Variants in CEP68 observed in about 807,000 individuals in gnomAD.
CEP68 encodes the protein centrosomal protein 68, also known as centrosomal protein of 68 kDa.
In CEP68, 26 loss-of-function variants were observed where a neutral mutation model predicts 55.3. The ratio of observed to expected loss-of-function variants is 0.47; its 90% CI spans 0.34 to 0.65. CEP68 has a LOEUF of 0.65. CEP68 is among the 30% of genes least tolerant of loss of function. The pLI is 0.01. For missense variants in CEP68, 957 were observed against 946.7 expected, an observed-to-expected ratio of 1.01 and a Z score of -0.14; for synonymous variants, 402 against 383.2, an observed-to-expected ratio of 1.05 and a Z score of -0.57.
At chr2:65,069,006 C>G (rs1043550529) in intron 1 of CEP68, among the ~76,000 whole-genome samples, 4 of 152,110 alleles carry the variant, frequency 2.6e-5, no homozygotes, top group African/African-American at 7.2e-5. Flanking sequence ...GGGACCGTTA[C>G]GACAACAGAA....
At position 65,074,327 on chromosome 2, in the gene CEP68, G is replaced by A. The variant is rs1472517507; in HGVS notation, c.1930G>A (p.Val644Ile). ...LEELICWLYN[V>I]ADVTDHGTAA... ...AGAGCTGATCTGCTGGCTGTATAAT[G>A]TTGCAGATGTTACTGACCACGGGAC... The change falls in exon 4 of 7, where the codon GTT becomes ATT. Residue 644 changes from valine (V) to isoleucine (I), a missense_variant. Coordinates refer to ENST00000377990, the MANE Select transcript of CEP68 (RefSeq NM_015147.3). 1 of 1,614,202 alleles carries A rather than the reference G, an allele frequency of 6.2e-7. No homozygotes were observed. Among genetic ancestry groups the A allele is most frequent in the Non-Finnish European group, 8.5e-7 (1 of 1,180,024 alleles).
At chr2:65,066,554 C>A (rs1373413000) in intron 1 of CEP68, among the ~76,000 whole-genome samples, 1 of 151,016 alleles carries the variant, frequency 6.6e-6, no homozygotes, top group Non-Finnish European at 1.5e-5. Flanking sequence ...ATGGTGAAAC[C>A]CCATCTCTAC....
Position 65,072,484 on chromosome 2 carries a change from C to G in CEP68, c.1388C>G (p.Pro463Arg). The G allele has an allele frequency of 6.2e-7, 1 of 1,614,108 alleles. No homozygotes were observed. Among genetic ancestry groups the G allele is most frequent in the Non-Finnish European group, 8.5e-7 (1 of 1,180,020 alleles). Residue 463 changes from proline to arginine, a missense_variant, in exon 3 of 7, where the codon CCT becomes CGT. Coordinates refer to ENST00000377990, the MANE Select transcript of CEP68 (RefSeq NM_015147.3). ...AGGACCAGCCAGAGTGCCCGGCGCC[C>G]TACCTGCACAGAGTCTAGGTGGAAA... ...EKRTSQSARR[P>R]TCTESRWKSE...
Position 65,071,607 on chromosome 2 carries a change from C to G in CEP68, c.511C>G (p.His171Asp). Residue 171 changes from histidine (H) to aspartate (D), a missense_variant, in exon 3 of 7, where the codon CAC becomes GAC. His to Asp is a moderately conservative substitution (Grantham distance 81). Transcript: ENST00000377990. ...PQALDLSQQP[H>D]SSGLSCLSQW... is the part of the protein sequence containing the mutation. ...GGCACTGGACCTCAGCCAGCAGCCTCACAGCTCAGGTCTCTCTTGCCTGTC... is the reference window on the plus strand; with the variant it reads ...GGCACTGGACCTCAGCCAGCAGCCTGACAGCTCAGGTCTCTCTTGCCTGTC... 1.9e-6 allele frequency: 3 copies of G among 1,614,198 alleles called. No individual in the cohort carries two copies. The highest frequency in any genetic ancestry group is 2.5e-6 in the Non-Finnish European group (3 of 1,180,034).
rs143765018 is a variant in CEP68, at chr2:65,072,589, A to G, written c.1493A>G (p.Tyr498Cys). ...ACACAGGTTTCTAGCCTGGTTTCGT[A>G]TCTAGGATCCATTTCTACCTTGGTT... ...RLTQVSSLVSYLGSISTLVTL... is the reference protein window; with the variant it reads ...RLTQVSSLVSCLGSISTLVTL... The change falls in exon 3 of 7, where the codon TAT (tyrosine) becomes TGT (cysteine). Residue 498 changes from tyrosine (Y) to cysteine (C), a missense_variant. Physicochemically the swap from Tyr to Cys is radical, Grantham distance 194. Coordinates refer to ENST00000377990, the MANE Select transcript of CEP68 (RefSeq NM_015147.3). 9.9e-6 allele frequency: 16 copies of G among 1,614,034 alleles called. No individual in the cohort carries two copies. In the East Asian group the frequency reaches 1.1e-4, roughly 11 times the overall value.
At position 65,069,571 on chromosome 2, in the gene CEP68, C is replaced by G; in HGVS notation, c.127C>G (p.Pro43Ala). 1 of 1,613,314 alleles carries G rather than the reference C, an allele frequency of 6.2e-7. No individual in the cohort carries two copies. Residue 43 changes from proline to alanine, a missense_variant, in exon 2 of 7, where the codon CCA becomes GCA. Coordinates refer to ENST00000377990, the MANE Select transcript of CEP68 (RefSeq NM_015147.3). ...AGGGCCCATGAGTGGGGAGCAGCCC[C>G]CACGCCTGGAAGCTGAGGGAGGGCT... ...IPGPMSGEQP[P>A]RLEAEGGLIS...
At chr2:65,079,044 C>G (rs1676891792) in intron 5 of CEP68, among the ~76,000 whole-genome samples, 1 of 152,176 alleles carries the variant, frequency 6.6e-6, no homozygotes, top group Non-Finnish European at 1.5e-5. Flanking sequence ...ATGGCAGCCC[C>G]TAATTTCCTG....
chr2:65,082,990 C>G (rs1489906912), intron 6 of CEP68, among the ~76,000 whole-genome samples: 1 of 152,086 alleles, frequency 6.6e-6, no homozygotes, highest in East Asian at 1.9e-4. Flanking sequence ...CCTGCCATCC[C>G]AAGACAAGAG....
chr2:65,084,666 G>A lies in CEP68; in HGVS notation c.*1032G>A, dbSNP rs1668976932. On this transcript the variant is annotated 3_prime_UTR_variant, in exon 7 of 7. Transcript: ENST00000377990. ...TGTTGGGCCATGAATGAACCTGGAA[G>A]GAGGAAAGCACAGTAACAATGGAAA... 6.6e-6 allele frequency: 1 copy of A among 152,166 alleles called. No individual in the cohort carries two copies. The highest frequency in any genetic ancestry group is 2.4e-5 in the African/African-American group (1 of 41,432). The allele number at this position is 152,166 out of a possible 1,614,324, so 9.4% of individuals were successfully genotyped here.
In CEP68 at chr2:65,072,289, C is replaced by G. The variant is rs575445736; in HGVS notation, c.1193C>G (p.Ala398Gly). The G allele has an allele frequency of 6.8e-6, 11 of 1,614,040 alleles. No individual in the cohort carries two copies. The East Asian group carries it at 8.9e-5, about 13-fold the overall frequency. Residue 398 changes from alanine to glycine, a missense_variant, in exon 3 of 7, where the codon GCA (alanine) becomes GGA (glycine). Physicochemically the swap from Ala to Gly is moderately conservative, Grantham distance 60. Coordinates refer to ENST00000377990, the MANE Select transcript of CEP68 (RefSeq NM_015147.3). ...GGCTTGGCATCTTGGAGCCAACTTG[C>G]ATCTACCCCCAGAGCCCCAGGCAGT... is the stretch of plus-strand genomic sequence containing the variant. ...GMGLASWSQL[A>G]STPRAPGSRD...
intron 1 of CEP68, among the ~76,000 whole-genome samples, chr2:65,061,269 C>G (rs1407678945): frequency 6.6e-6 from 1 of 152,236 alleles, no homozygotes; most frequent in African/African-American, 2.4e-5. Flanking sequence ...CCTGGTCAGT[C>G]AGCCAACAGA....
At chr2:65,078,557 A>G (rs1212248483) in intron 5 of CEP68, among the ~76,000 whole-genome samples, 1 of 152,092 alleles carries the variant, frequency 6.6e-6, no homozygotes, top group South Asian at 2.1e-4. Context: ...TTTGCTTTTG[A>G]GATGGAGTTT....
intron 4 of CEP68, among the ~76,000 whole-genome samples, chr2:65,075,895 C>CT (rs1349908766): frequency 1.3e-5 from 2 of 152,068 alleles, no homozygotes; most frequent in Admixed American, 1.3e-4. Context: ...GAGGGCCTTC[C>CT]TGGGACCGTA....
chr2:65,067,187 G>A lies in CEP68; in HGVS notation c.-46-2212G>A, dbSNP rs527652811. Among the ~76,000 whole-genome samples the A allele has an allele frequency of 5.3e-5, 8 of 151,788 alleles. No individual in the cohort carries two copies. The East Asian group carries it at 1.6e-3, about 30-fold the overall frequency. ...GAGGTCAGGAGTTCAAGACCAGCCTGGCTAACATGGTGAAACCCCATCTCT... is the reference window on the plus strand; with the variant it reads ...GAGGTCAGGAGTTCAAGACCAGCCTAGCTAACATGGTGAAACCCCATCTCT... On this transcript the variant is annotated intron_variant, in intron 1 of 6. Coordinates refer to ENST00000377990, the MANE Select transcript of CEP68 (RefSeq NM_015147.3).
intron 5 of CEP68, among the ~76,000 whole-genome samples, 170 bp from the exon 6 acceptor site, chr2:65,082,366 C>CAGA (rs1047543954): frequency 1.2e-4 from 19 of 152,208 alleles, no homozygotes; most frequent in Admixed American, 3.9e-4. Flanking sequence ...TCCAGTGCAA[C>CAGA]AGAAGTCCCT....
At chr2:65,069,938 C>T (rs1467049116) in intron 2 of CEP68, 137 bp downstream of exon 2, 6 of 839,790 alleles carry the variant, frequency 7.1e-6, no homozygotes, top group Non-Finnish European at 1.1e-5. Context: ...ATGATGATTT[C>T]TGTTTTGCGG....
In CEP68 at chr2:65,084,870, T is replaced by C. The variant is rs1668983713; in HGVS notation, c.*1236T>C. On this transcript the variant is annotated 3_prime_UTR_variant, in exon 7 of 7. Transcript: ENST00000377990. The stretch of plus-strand genomic sequence containing the variant: ...TGCTTTATCATAATGCTTAAGGGCA[T>C]GATCAAAATTAAAATGGCTTATGAG... 6.6e-6 allele frequency: 1 copy of C among 152,242 alleles called. No individual in the cohort carries two copies. Among genetic ancestry groups the C allele is most frequent in the Non-Finnish European group, 1.5e-5 (1 of 68,034 alleles). The allele number at this position is 152,242 out of a possible 1,614,324, so 9.4% of individuals were successfully genotyped here. A position where few individuals can be genotyped will look rare whatever the true frequency, so the allele number is the denominator to read the frequency against.
At chr2:65,059,400 C>G (rs892517376) in intron 1 of CEP68, among the ~76,000 whole-genome samples, 4 of 152,184 alleles carry the variant, frequency 2.6e-5, no homozygotes, top group African/African-American at 9.7e-5. Context: ...ATACCTTTCC[C>G]CTCCTCACTT....
At chr2:65,065,750 T>C (rs1287924845) in intron 1 of CEP68, among the ~76,000 whole-genome samples, 1 of 151,822 alleles carries the variant, frequency 6.6e-6, no homozygotes, top group African/African-American at 2.4e-5. Flanking sequence ...GGGCGGATCA[T>C]TTGAGGTCAG....
Sources: allele counts gnomAD v4.1 joint callset (sites outside exome capture counted in the v4.1 genomes callset), GRCh38; gene constraint gnomAD v4.1.1; transcripts MANE v1.5; gene names NCBI Gene and HGNC (gene_info 2026-07-23, HGNC 2026-07-21).